TCL1A: variants seen among roughly 807,000 people sequenced by gnomAD.
TCL1A encodes the protein TCL1 family AKT coactivator A.
TCL1A carries 9 observed loss-of-function variants against 16.9 expected under a neutral mutation model. The observed-to-expected ratio is 0.53, with a 90% CI of 0.32 to 0.93. TCL1A has a LOEUF of 0.93. Ranked by LOEUF, TCL1A falls within the 40% of genes least tolerant of loss-of-function variation. The pLI, the probability that TCL1A is intolerant of heterozygous loss-of-function variation, is 0.04. For missense variants in TCL1A, 139 were observed against 153.0 expected, an observed-to-expected ratio of 0.91 and a Z score of 0.48; for synonymous variants, 69 against 63.2, an observed-to-expected ratio of 1.09 and a Z score of -0.44.
intron 2 of TCL1A, 87 bp downstream of exon 2, chr14:95,712,133 A>T: frequency 6.7e-7 from 1 of 1,488,898 alleles, no homozygotes; most frequent in Non-Finnish European, 9.4e-7. Flanking sequence ...TGGGACTGGG[A>T]TGGAGGGAAG....
At chr14:95,711,998 G>A (rs1886369137) in intron 2 of TCL1A, 196 bp from the exon 3 acceptor site, 1 of 862,500 alleles carries the variant, frequency 1.2e-6, no homozygotes, top group Non-Finnish European at 1.8e-6. Context: ...TCTTCCTGCG[G>A]CTAGCTGGTG....
intron 2 of TCL1A, 88 bp downstream of exon 2, chr14:95,712,132 G>C (rs1886372348): frequency 6.8e-7 from 1 of 1,479,764 alleles, no homozygotes; most frequent in African/African-American, 1.4e-5. Context: ...TTGGGACTGG[G>C]ATGGAGGGAA....
At chr14:95,713,681 T>A (rs1478456472) in intron 1 of TCL1A, among the ~76,000 whole-genome samples, 2 of 152,264 alleles carry the variant, frequency 1.3e-5, no homozygotes, top group African/African-American at 2.4e-5. Flanking sequence ...GCCCAGAAAA[T>A]GCCTGCTGTA....
At chr14:95,713,848 C>T in intron 1 of TCL1A, 99 bp downstream of exon 1, 2 of 1,547,724 alleles carry the variant, frequency 1.3e-6, no homozygotes, top group Non-Finnish European at 1.7e-6. Context: ...CTCCCTGCCC[C>T]ATAGTGAGTG....
At chr14:95,713,569 TTAAAAA>T in intron 1 of TCL1A, among the ~76,000 whole-genome samples, 1 of 152,304 alleles carries the variant, frequency 6.6e-6, no homozygotes, top group South Asian at 2.1e-4. Context: ...AGGGTTCTTT[TTAAAAA>T]TACAGATTTC....
At position 95,710,371 on chromosome 14, in the gene TCL1A, G is replaced by GGCAGGCAGCGTTTGCAGGCGTGTTTACC. The variant is rs1886312616; in HGVS notation, c.*516_*517insGGTAAACACGCCTGCAAACGCTGCCTGC. ...AGGCAGCGTTTGCAGGCGTGTTTAC[G>GGCAGGCAGCGTTTGCAGGCGTGTTTACC]GGCAGGCAGCGTTTGCAGGCGTGTT... On this transcript the variant is annotated 3_prime_UTR_variant, in exon 4 of 4. Transcript: ENST00000402399. 6.7e-6 allele frequency: 1 copy of GGCAGGCAGCGTTTGCAGGCGTGTTTACC among 149,614 alleles called. No individual in the cohort carries two copies. Among genetic ancestry groups the GGCAGGCAGCGTTTGCAGGCGTGTTTACC allele is most frequent in the African/African-American group, 2.5e-5 (1 of 39,644 alleles). The allele number at this position is 149,614 out of a possible 1,614,324, so 9.3% of individuals were successfully genotyped here. A position where few individuals can be genotyped will look rare whatever the true frequency, so the allele number is the denominator to read the frequency against.
intron 1 of TCL1A, among the ~76,000 whole-genome samples, 187 bp downstream of exon 1, chr14:95,713,760 C>G (rs141627266): frequency 2.0e-5 from 3 of 152,276 alleles, no homozygotes; most frequent in Admixed American, 1.3e-4. Context: ...TTGCGGTTTT[C>G]CCACCCTTCT....
rs1566748082 is a variant in TCL1A at position 95,714,015 on chromosome 14, G to A, written c.52C>T (p.Leu18=). Residue 18 remains leucine, a synonymous_variant, in exon 1 of 4, where the codon CTG becomes TTG. Coordinates refer to ENST00000402399, the MANE Select transcript of TCL1A (RefSeq NM_021966.3). ...GEAVTDHPDR[L]WAWEKFVYLD... ...TACACGAACTTCTCCCAGGCCCACAGGCGGTCCGGGTGGTCGGTGACTGCC... is the reference window on the plus strand; with the variant it reads ...TACACGAACTTCTCCCAGGCCCACAAGCGGTCCGGGTGGTCGGTGACTGCC... The A allele has an allele frequency of 1.2e-6, 2 of 1,614,146 alleles. No homozygotes were observed. The highest frequency in any genetic ancestry group is 4.5e-5 in the East Asian group (2 of 44,880).
intron 1 of TCL1A, among the ~76,000 whole-genome samples, chr14:95,713,466 T>C (rs1886437014): frequency 6.6e-6 from 1 of 152,350 alleles, no homozygotes; most frequent in African/African-American, 2.4e-5. Flanking sequence ...CATCACTTGT[T>C]AAATTTGTTT....
intron 1 of TCL1A, 69 bp downstream of exon 1, chr14:95,713,878 T>C (rs1595067999): frequency 6.3e-7 from 1 of 1,594,970 alleles, no homozygotes; most frequent in Middle Eastern, 1.7e-4. Flanking sequence ...TCCTCGCCCT[T>C]CCTAGGGCAT....
At chr14:95,713,280 G>A (rs1886426085) in intron 1 of TCL1A, among the ~76,000 whole-genome samples, 1 of 152,262 alleles carries the variant, frequency 6.6e-6, no homozygotes, top group African/African-American at 2.4e-5. Flanking sequence ...TTTCTTCAGT[G>A]TATGTTTGGA....
chr14:95,713,739 C>G (rs147912248), intron 1 of TCL1A, among the ~76,000 whole-genome samples: 1 of 152,224 alleles, frequency 6.6e-6, no homozygotes, highest in East Asian at 1.9e-4. Flanking sequence ...ACCCCTTTGA[C>G]CGACATTCCT....
At chr14:95,711,124 C>A (rs1336897379) in intron 3 of TCL1A, among the ~76,000 whole-genome samples, 1 of 152,054 alleles carries the variant, frequency 6.6e-6, no homozygotes, top group East Asian at 1.9e-4. Context: ...TATCTAATAT[C>A]TGGCTCAGCT....
At chr14:95,713,461 C>G (rs1210298393) in intron 1 of TCL1A, among the ~76,000 whole-genome samples, 4 of 152,288 alleles carry the variant, frequency 2.6e-5, no homozygotes, top group Non-Finnish European at 4.4e-5. Flanking sequence ...TACGACATCA[C>G]TTGTTAAATT....
chr14:95,712,615 G>A (rs753776606), intron 1 of TCL1A: 45 of 1,485,814 alleles, frequency 3.0e-5, no homozygotes, highest in Admixed American at 1.0e-4. Context: ...GCACACACAC[G>A]TGTCTAGCCA....
At chr14:95,711,713 G>A in intron 3 of TCL1A, 36 bp downstream of exon 3, 1 of 1,609,526 alleles carries the variant, frequency 6.2e-7, no homozygotes, top group Non-Finnish European at 8.5e-7. Context: ...TACAGCCACT[G>A]TGGACTAAGA....
At position 95,714,099 on chromosome 14, in the gene TCL1A, A is replaced by G. The variant is rs777191687; in HGVS notation, c.-33T>C. 14 of 1,611,090 alleles carry G rather than the reference A, an allele frequency of 8.7e-6. No individual in the cohort carries two copies. The highest frequency in any genetic ancestry group is 1.2e-5 in the Non-Finnish European group (14 of 1,179,658). ...TCGGGCCGCCTAAGAAGCAAGAGCC[A>G]GAGCCTCTCAAGGCCGCTCGCTGGT... On this transcript the variant is annotated 5_prime_UTR_variant, in exon 1 of 4. Coordinates refer to ENST00000402399, the MANE Select transcript of TCL1A (RefSeq NM_021966.3).
At chr14:95,713,815 A>T in intron 1 of TCL1A, 132 bp downstream of exon 1, 1 of 1,396,814 alleles carries the variant, frequency 7.2e-7, no homozygotes, top group Non-Finnish European at 9.6e-7. Flanking sequence ...GCCCGGCTCA[A>T]AGTGGCTTCA....
At chr14:95,713,713 C>A (rs1412539168) in intron 1 of TCL1A, among the ~76,000 whole-genome samples, 1 of 152,318 alleles carries the variant, frequency 6.6e-6, no homozygotes, top group South Asian at 2.1e-4. Flanking sequence ...AGTCACACTC[C>A]ACAGGCACTG....
Sources: allele counts gnomAD v4.1 joint callset (sites outside exome capture counted in the v4.1 genomes callset), GRCh38; gene constraint gnomAD v4.1.1; transcripts MANE v1.5; gene names NCBI Gene and HGNC (gene_info 2026-07-23, HGNC 2026-07-21).